The following TRPM3 variants were observed in gnomAD, a reference collection of about 807,000 sequenced individuals.
TRPM3 encodes the protein transient receptor potential cation channel subfamily M member 3.
TRPM3 carries 77 observed loss-of-function variants against 181.2 expected under a neutral mutation model. The ratio of observed to expected loss-of-function variants is 0.42; its 90% CI spans 0.35 to 0.51. TRPM3 has a LOEUF of 0.51. Among genes scored for constraint, TRPM3 ranks in the 20% least tolerant of loss-of-function variants. TRPM3 has a pLI of 0.01. For synonymous variants in TRPM3, 745 were observed against 796.4 expected, an observed-to-expected ratio of 0.94 and a Z score of 1.09; for missense variants, 1,759 against 2,196.7, an observed-to-expected ratio of 0.80 and a Z score of 3.98.
At chr9:71,403,597 G>A (rs2093382753) in intron 1 of TRPM3, among the ~76,000 whole-genome samples, 1 of 152,136 alleles carries the variant, frequency 6.6e-6, no homozygotes, top group South Asian at 2.1e-4. Context: ...CCACAACCCT[G>A]TGAAATAAAG....
intron 22 of TRPM3, among the ~76,000 whole-genome samples, chr9:70,561,751 G>A (rs905759384): frequency 6.6e-6 from 1 of 152,170 alleles, no homozygotes; most frequent in Non-Finnish European, 1.5e-5. Flanking sequence ...AACAAAGGGA[G>A]TTGGGTTATT....
At chr9:70,923,742 C>G (rs1390807952) in intron 1 of TRPM3, among the ~76,000 whole-genome samples, 3 of 150,708 alleles carry the variant, frequency 2.0e-5, no homozygotes, top group Non-Finnish European at 4.4e-5. Flanking sequence ...TATTAACTAG[C>G]TTATTCATCC....
chr9:71,339,290 C>T (rs1424374110), intron 1 of TRPM3, among the ~76,000 whole-genome samples: 1 of 152,010 alleles, frequency 6.6e-6, no homozygotes, highest in Non-Finnish European at 1.5e-5. Flanking sequence ...TTAATGTGAT[C>T]ACAATAAAAA....
intron 18 of TRPM3, among the ~76,000 whole-genome samples, chr9:70,611,055 C>T (rs2061925402): frequency 6.6e-6 from 1 of 152,128 alleles, no homozygotes; most frequent in Non-Finnish European, 1.5e-5. Flanking sequence ...AACAGTGTAG[C>T]CTGGGAAGGC....
intron 1 of TRPM3, among the ~76,000 whole-genome samples, chr9:71,298,935 C>G (rs529849245): frequency 1.1e-4 from 16 of 152,250 alleles, no homozygotes; most frequent in Non-Finnish European, 2.2e-4. Flanking sequence ...AGAGAATCAA[C>G]TCTGTATTTT....
intron 1 of TRPM3, among the ~76,000 whole-genome samples, chr9:71,282,471 C>A (rs1422256999): frequency 6.6e-6 from 1 of 151,666 alleles, no homozygotes; most frequent in Non-Finnish European, 1.5e-5. Context: ...GCTCACTCAC[C>A]CCAAGCAGGT....
At chr9:70,977,585 C>T (rs1284032305) in intron 1 of TRPM3, among the ~76,000 whole-genome samples, 4 of 152,216 alleles carry the variant, frequency 2.6e-5, no homozygotes, top group East Asian at 1.9e-4. Context: ...ACAGACCCCA[C>T]ACATTAAGGG....
chr9:71,215,275 T>A (rs1247146964), intron 1 of TRPM3, among the ~76,000 whole-genome samples: 1 of 152,230 alleles, frequency 6.6e-6, no homozygotes, highest in African/African-American at 2.4e-5. Flanking sequence ...ATGGAGGAGA[T>A]GTTGAAGAGT....
At chr9:70,583,992 C>T (rs1322932906) in intron 22 of TRPM3, among the ~76,000 whole-genome samples, 2 of 152,100 alleles carry the variant, frequency 1.3e-5, no homozygotes, top group African/African-American at 4.8e-5. Flanking sequence ...CTCCTTTTCC[C>T]CTGAGTCTTC....
At chr9:70,564,621 A>T (rs1364878424) in intron 22 of TRPM3, among the ~76,000 whole-genome samples, 1 of 152,220 alleles carries the variant, frequency 6.6e-6, no homozygotes, top group African/African-American at 2.4e-5. Context: ...TTAGGAAAAG[A>T]ACCAGCAACC....
At chr9:70,675,922 A>T (rs903000129) in intron 9 of TRPM3, among the ~76,000 whole-genome samples, 1 of 152,140 alleles carries the variant, frequency 6.6e-6, no homozygotes, top group Non-Finnish European at 1.5e-5. Flanking sequence ...TTATCTCTTA[A>T]CATTTTTAAA....
At chr9:71,367,205 AT>A (rs1386408657) in intron 1 of TRPM3, among the ~76,000 whole-genome samples, 2 of 152,180 alleles carry the variant, frequency 1.3e-5, no homozygotes, top group East Asian at 3.8e-4. Flanking sequence ...TTTGAAAAGA[AT>A]GTATATGAAT....
intron 1 of TRPM3, among the ~76,000 whole-genome samples, chr9:70,956,961 C>CTTTTTT (rs747544684): frequency 4.4e-5 from 6 of 137,436 alleles, no homozygotes; most frequent in South Asian, 2.3e-4. Context: ...TTCTTTCTTT[C>CTTTTTT]TTTTTTTTTT....
At chr9:71,086,145 A>G (rs2133832391) in intron 1 of TRPM3, among the ~76,000 whole-genome samples, 1 of 152,094 alleles carries the variant, frequency 6.6e-6, no homozygotes, top group Non-Finnish European at 1.5e-5. Context: ...GAAGCTAAAC[A>G]TTACATACTC....
chr9:70,596,223 C>A (rs1387755827), intron 21 of TRPM3, among the ~76,000 whole-genome samples: 1 of 152,128 alleles, frequency 6.6e-6, no homozygotes, highest in East Asian at 1.9e-4. Context: ...AACCAAGTCT[C>A]AAAGGGGTTT....
At chr9:70,615,879 T>C (rs750619466) in intron 18 of TRPM3, 29 bp downstream of exon 18, 4 of 1,577,082 alleles carry the variant, frequency 2.5e-6, no homozygotes, top group Non-Finnish European at 2.6e-6. Flanking sequence ...ATTCTGCCCA[T>C]AGAGAATAAC....
At chr9:70,552,794 G>A in intron 24 of TRPM3, 50 bp downstream of exon 24, 1 of 1,592,262 alleles carries the variant, frequency 6.3e-7, no homozygotes, top group Non-Finnish European at 8.6e-7. Flanking sequence ...CCTATAGGAA[G>A]TGGTAGGGAT....
At chr9:70,577,859 C>T (rs578236972) in intron 22 of TRPM3, among the ~76,000 whole-genome samples, 57 of 152,314 alleles carry the variant, frequency 3.7e-4, no homozygotes, top group African/African-American at 1.3e-3. Flanking sequence ...ATAGTTCCTT[C>T]GGTGCTTGAA....
At chr9:70,786,566 G>C (rs1336489283) in intron 6 of TRPM3, among the ~76,000 whole-genome samples, 1 of 152,088 alleles carries the variant, frequency 6.6e-6, no homozygotes, top group African/African-American at 2.4e-5. Flanking sequence ...AGGAGAATTT[G>C]CTCTCATAAA....
Sources: gnomAD v4.1 joint callset for allele counts (sites outside exome capture counted in the v4.1 genomes callset) on GRCh38, gnomAD v4.1.1 for gene constraint, MANE v1.5 for transcripts, NCBI Gene and HGNC (gene_info 2026-07-23, HGNC 2026-07-21) for gene names.